MYT1L: variants seen among roughly 807,000 people sequenced by gnomAD.
MYT1L encodes myelin transcription factor 1-like protein.
MYT1L carries 12 observed loss-of-function variants against 126.7 expected under a neutral mutation model. The ratio of observed to expected loss-of-function variants is 0.09; its 90% CI spans 0.06 to 0.15. MYT1L has a LOEUF of 0.15. Among genes scored for constraint, MYT1L ranks in the 10% least tolerant of loss-of-function variants. MYT1L has a pLI of 1.00. For missense variants in MYT1L, 979 were observed against 1,585.2 expected, an observed-to-expected ratio of 0.62 and a Z score of 6.49; for synonymous variants, 541 against 604.2, an observed-to-expected ratio of 0.90 and a Z score of 1.53.
chr2:1,997,809 CT>C (rs1359484361), intron 4 of MYT1L, among the ~76,000 whole-genome samples: 2 of 152,226 alleles, frequency 1.3e-5, no homozygotes, highest in African/African-American at 4.8e-5. Flanking sequence ...TCTCCAGGGA[CT>C]TCTGGGGTGA....
intron 2 of MYT1L, among the ~76,000 whole-genome samples, chr2:2,271,435 A>G (rs908218905): frequency 3.3e-5 from 5 of 152,152 alleles, no homozygotes; most frequent in Admixed American, 2.6e-4. Context: ...CCCCATTCGA[A>G]TGGTGGGAAT....
intron 4 of MYT1L, among the ~76,000 whole-genome samples, chr2:2,051,926 A>AT (rs143735222): frequency 0.1 from 15,146 of 150,848 alleles, 862 homozygotes; most frequent in Non-Finnish European, 0.12. Flanking sequence ...TCTTAAGGTC[A>AT]TTTTTTTTTC....
chr2:2,295,697 G>T (rs867964441), intron 1 of MYT1L, among the ~76,000 whole-genome samples: 16 of 141,624 alleles, frequency 1.1e-4, no homozygotes, highest in East Asian at 2.1e-4. Context: ...GAGAGAGAGA[G>T]AGAGAGACAG....
At chr2:2,189,293 G>A (rs920868969) in intron 2 of MYT1L, among the ~76,000 whole-genome samples, 12 of 152,164 alleles carry the variant, frequency 7.9e-5, no homozygotes, top group South Asian at 2.1e-4. Context: ...AATGGGGTTC[G>A]TGAGCCTGTG....
chr2:2,154,285 A>G (rs567082556), intron 3 of MYT1L, among the ~76,000 whole-genome samples: 1 of 152,306 alleles, frequency 6.6e-6, no homozygotes, highest in African/African-American at 2.4e-5. Flanking sequence ...TACCTGAATG[A>G]TACCTAGGTT....
intron 4 of MYT1L, among the ~76,000 whole-genome samples, chr2:2,001,044 T>C (rs1226920409): frequency 6.6e-6 from 1 of 152,186 alleles, no homozygotes; most frequent in Non-Finnish European, 1.5e-5. Context: ...TGTGTTTAGG[T>C]TTGTCAACCT....
chr2:1,972,122 G>A (rs369370540), intron 8 of MYT1L, among the ~76,000 whole-genome samples: 7 of 152,244 alleles, frequency 4.6e-5, no homozygotes, highest in African/African-American at 1.7e-4. Flanking sequence ...CGGATTCATG[G>A]AGTAAAGCAC....
chr2:2,274,636 T>C (rs1000710520), intron 2 of MYT1L, among the ~76,000 whole-genome samples: 1 of 152,214 alleles, frequency 6.6e-6, no homozygotes, highest in African/African-American at 2.4e-5. Flanking sequence ...TATAGTGTAC[T>C]TAAAACATAT....
intron 8 of MYT1L, among the ~76,000 whole-genome samples, chr2:1,965,330 C>A (rs1467225571): frequency 6.7e-6 from 1 of 149,236 alleles, no homozygotes. Flanking sequence ...GACTCTGTGA[C>A]TTGCAGGGAC....
intron 4 of MYT1L, among the ~76,000 whole-genome samples, chr2:2,005,483 C>T (rs112463031): frequency 9.6e-5 from 14 of 145,456 alleles, no homozygotes; most frequent in Non-Finnish European, 1.0e-4. Context: ...TTCCTGAATG[C>T]GTTCTTTCCT....
intron 4 of MYT1L, among the ~76,000 whole-genome samples, chr2:2,018,429 C>A (rs1273340972): frequency 2.0e-5 from 3 of 152,130 alleles, no homozygotes; most frequent in Non-Finnish European, 2.9e-5. Context: ...ATGGAAGGAC[C>A]TGCATTGGTC....
In MYT1L at chr2:1,910,441, A is replaced by G; in HGVS notation, c.1710-94T>C. 1 of 1,184,438 alleles carries G rather than the reference A, an allele frequency of 8.4e-7. No homozygotes were observed. The highest frequency in any genetic ancestry group is 1.2e-6 in the Non-Finnish European group (1 of 821,592). 73.4% of individuals were successfully genotyped at this position (1,184,438 alleles called of 1,614,324 possible). Reference sequence around the variant, plus strand: ...AGCACCAAGACCCTGATGCAGGTGGAGCTGGTGAGGGAGGGGTAGTTTCCC... The same window carrying G: ...AGCACCAAGACCCTGATGCAGGTGGGGCTGGTGAGGGAGGGGTAGTTTCCC... On this transcript the variant is annotated intron_variant, in intron 12 of 24. Coordinates refer to ENST00000647738, the MANE Select transcript of MYT1L (RefSeq NM_001303052.2). This position sits in a 1 kb window ranked among gnomAD's most constrained non-coding sequence, Gnocchi z 4.8.
At chr2:2,079,977 C>T (rs191202806) in intron 3 of MYT1L, among the ~76,000 whole-genome samples, 18 of 152,228 alleles carry the variant, frequency 1.2e-4, no homozygotes, top group Admixed American at 1.1e-3. Flanking sequence ...AGGATAGATA[C>T]TGATCAATGA....
intron 10 of MYT1L, among the ~76,000 whole-genome samples, chr2:1,918,693 C>T (rs1005380725): frequency 6.6e-6 from 1 of 152,188 alleles, no homozygotes. Context: ...TGTGCCTCTC[C>T]TGTACTGGAA....
chr2:1,946,716 CAA>C (rs901503138), intron 8 of MYT1L, among the ~76,000 whole-genome samples: 1 of 152,140 alleles, frequency 6.6e-6, no homozygotes, highest in African/African-American at 2.4e-5. Flanking sequence ...CATAACATTT[CAA>C]ATATGAAATA....
intron 4 of MYT1L, among the ~76,000 whole-genome samples, chr2:2,021,902 A>G (rs2065072935): frequency 6.6e-6 from 1 of 152,132 alleles, no homozygotes; most frequent in African/African-American, 2.4e-5. Context: ...ATCTCAAAAA[A>G]CAAAAAAAAA....
chr2:1,964,398 G>A (rs1417678791), intron 8 of MYT1L, among the ~76,000 whole-genome samples: 1 of 152,206 alleles, frequency 6.6e-6, no homozygotes, highest in Non-Finnish European at 1.5e-5. Flanking sequence ...AGCACGTGCT[G>A]TTAGAAAAAC....
At chr2:2,165,337 TACAC>T (rs141908315) in intron 3 of MYT1L, among the ~76,000 whole-genome samples, 1 of 148,572 alleles carries the variant, frequency 6.7e-6, no homozygotes, top group African/African-American at 2.5e-5. Flanking sequence ...CACATGCACA[TACAC>T]ACACACACAC....
intron 3 of MYT1L, among the ~76,000 whole-genome samples, chr2:2,088,482 G>A (rs1028350694): frequency 2.6e-5 from 4 of 152,108 alleles, no homozygotes; most frequent in South Asian, 4.1e-4. Context: ...TCACTAGAGC[G>A]ACCAGTGGAT....
Sources: gnomAD v4.1 joint callset for allele counts (sites outside exome capture counted in the v4.1 genomes callset) on GRCh38, gnomAD v4.1.1 for gene constraint, Gnocchi (gnomAD v3.1) non-coding constraint, MANE v1.5 for transcripts, NCBI Gene and HGNC (gene_info 2026-07-23, HGNC 2026-07-21) for gene names.